Variants in BAZ2B observed in about 807,000 individuals in gnomAD.
BAZ2B encodes the protein bromodomain adjacent to zinc finger domain protein 2B.
Under a neutral mutation model 246.0 loss-of-function variants are expected in BAZ2B, and 91 were observed. The ratio of observed to expected loss-of-function variants is 0.37; its 90% CI spans 0.31 to 0.44. The LOEUF (loss-of-function observed/expected upper bound fraction) is 0.44. BAZ2B is among the 20% of genes least tolerant of loss of function. BAZ2B has a pLI of 1.00. For missense variants in BAZ2B, 2,332 were observed against 2,533.7 expected (o/e 0.92, Z 1.71); for synonymous variants, 855 against 860.0 (o/e 0.99, Z 0.10).
At chr2:159,601,400 G>A (rs191676397) in intron 1 of BAZ2B, among the ~76,000 whole-genome samples, 10 of 150,834 alleles carry the variant, frequency 6.6e-5, no homozygotes, top group Non-Finnish European at 1.5e-4. Context: ...CTCCAGAATG[G>A]GTGACAGAGT....
intron 31 of BAZ2B, among the ~76,000 whole-genome samples, chr2:159,345,088 T>G (rs1331077421): frequency 2.0e-5 from 3 of 151,886 alleles, no homozygotes; most frequent in African/African-American, 7.3e-5. Flanking sequence ...GGCATGCCTG[T>G]AATCCCAGCT....
At chr2:159,550,653 C>T (rs2088050518) in intron 2 of BAZ2B, among the ~76,000 whole-genome samples, 2 of 152,110 alleles carry the variant, frequency 1.3e-5, no homozygotes, top group Admixed American at 1.3e-4. Flanking sequence ...GTTATATCTT[C>T]TCTGTGGTAG....
At chr2:159,583,153 T>C (rs1687238321) in intron 1 of BAZ2B, among the ~76,000 whole-genome samples, 1 of 151,382 alleles carries the variant, frequency 6.6e-6, no homozygotes, top group Non-Finnish European at 1.5e-5. Flanking sequence ...TCACTCCTGT[T>C]GCCCAGGCTG....
At chr2:159,640,546 G>A in the BAZ2B span, among the ~76,000 whole-genome samples, 2 of 151,864 alleles carry the variant, frequency 1.3e-5, no homozygotes, top group Admixed American at 6.6e-5. Context: ...AATAACAAGA[G>A]GAATTTTGGA....
intron 1 of BAZ2B, among the ~76,000 whole-genome samples, chr2:159,570,368 A>T (rs113500391): frequency 1.3e-5 from 2 of 152,016 alleles, no homozygotes; most frequent in Non-Finnish European, 2.9e-5. Context: ...TATTTTTAGT[A>T]GAGACAAGGT....
chr2:159,446,855 C>G lies in BAZ2B; in HGVS notation c.623G>C (p.Gly208Ala), dbSNP rs1215612747. The change falls in exon 6 of 37, where the codon GGA becomes GCA. Residue 208 changes from glycine to alanine, a missense_variant. Coordinates refer to ENST00000392783, the MANE Select transcript of BAZ2B (RefSeq NM_013450.4). ...GQTKSTSSGGGNRKCNQEQSK... is the reference protein window; with the variant it reads ...GQTKSTSSGGANRKCNQEQSK... ...TTGTTCCTGATTACATTTTCGATTT[C>G]CTCCACCTGAGCTTGTACTTTTAGT... is the stretch of plus-strand genomic sequence containing the variant. 1.9e-6 allele frequency: 3 copies of G among 1,613,720 alleles called. No homozygotes were observed. The highest frequency in any genetic ancestry group is 2.5e-6 in the Non-Finnish European group (3 of 1,179,790).
chr2:159,559,783 C>A (rs541080605), intron 1 of BAZ2B, among the ~76,000 whole-genome samples: 1 of 152,248 alleles, frequency 6.6e-6, no homozygotes, highest in South Asian at 2.1e-4. Flanking sequence ...AAAGGTAATT[C>A]TTTCAAATCA....
the BAZ2B span, among the ~76,000 whole-genome samples, chr2:159,656,486 CCTCT>C: frequency 3.9e-5 from 6 of 151,932 alleles, no homozygotes; most frequent in Admixed American, 3.9e-4. Context: ...CCCATTTATC[CCTCT>C]CTCTCTACTT....
the BAZ2B span, among the ~76,000 whole-genome samples, chr2:159,648,841 G>A: frequency 9.2e-5 from 14 of 152,172 alleles, no homozygotes; most frequent in South Asian, 2.7e-3. Flanking sequence ...CCAAGGAGTG[G>A]AATAGCTGGA....
At chr2:159,679,533 G>A in the BAZ2B span, among the ~76,000 whole-genome samples, 2 of 152,024 alleles carry the variant, frequency 1.3e-5, no homozygotes, top group African/African-American at 2.4e-5. Flanking sequence ...CTCTTCTGTT[G>A]AATAATTTTT....
intron 1 of BAZ2B, among the ~76,000 whole-genome samples, chr2:159,572,677 T>C (rs767362713): frequency 8.5e-5 from 13 of 152,240 alleles, no homozygotes; most frequent in Non-Finnish European, 1.6e-4. Flanking sequence ...TTGCAATTCA[T>C]TTGTATTGAA....
chr2:159,525,441 C>A (rs899027370), intron 2 of BAZ2B, among the ~76,000 whole-genome samples: 1 of 152,094 alleles, frequency 6.6e-6, no homozygotes, highest in African/African-American at 2.4e-5. Flanking sequence ...CAACATGATG[C>A]CACAGGTGAA....
chr2:159,331,001 T>C (rs573750265), intron 34 of BAZ2B, among the ~76,000 whole-genome samples: 1 of 152,202 alleles, frequency 6.6e-6, no homozygotes, highest in East Asian at 1.9e-4. Context: ...TTTTGTTTAG[T>C]TTTCTTAAGA....
At chr2:159,530,490 G>A (rs1471681586) in intron 2 of BAZ2B, among the ~76,000 whole-genome samples, 1 of 151,976 alleles carries the variant, frequency 6.6e-6, no homozygotes, top group East Asian at 1.9e-4. Flanking sequence ...AATATAAAAT[G>A]CAATATTTCT....
chr2:159,324,336 A>G (rs561407652), intron 36 of BAZ2B, among the ~76,000 whole-genome samples: 1 of 152,330 alleles, frequency 6.6e-6, no homozygotes, highest in East Asian at 1.9e-4. Flanking sequence ...AAAGCTCTTA[A>G]TATGTAAAGC....
chr2:159,447,569 A>G lies in BAZ2B; in HGVS notation c.503-594T>C, dbSNP rs185403583. On this transcript the variant is annotated intron_variant, in intron 5 of 36. Coordinates refer to ENST00000392783, the MANE Select transcript of BAZ2B (RefSeq NM_013450.4). ...AAAAAAGTACTAGGTTATTAATTTT[A>G]ATGAAGTTAATACTTAATTACAAAA... Among the ~76,000 whole-genome samples, 15 of 152,326 alleles carry G rather than the reference A, an allele frequency of 9.8e-5. No homozygotes were observed. In the East Asian group the frequency reaches 2.9e-3, roughly 29 times the overall value.
intron 2 of BAZ2B, among the ~76,000 whole-genome samples, chr2:159,484,191 T>C (rs2079563255): frequency 6.6e-6 from 1 of 152,204 alleles, no homozygotes. Flanking sequence ...AGTGTTGCTA[T>C]GGATGAAAAA....
At chr2:159,591,607 C>T (rs1419886792) in intron 1 of BAZ2B, among the ~76,000 whole-genome samples, 3 of 151,972 alleles carry the variant, frequency 2.0e-5, no homozygotes, top group East Asian at 3.9e-4. Context: ...AAAGGGAGGA[C>T]CTTGCCATTC....
At chr2:159,565,777 C>CAA (rs35993512) in intron 1 of BAZ2B, among the ~76,000 whole-genome samples, 1 of 109,406 alleles carries the variant, frequency 9.1e-6, no homozygotes, top group Non-Finnish European at 1.8e-5. Context: ...ACTCCCATCT[C>CAA]AAAAAAAAAA....
Sources: allele counts gnomAD v4.1 joint callset (sites outside exome capture counted in the v4.1 genomes callset), GRCh38; gene constraint gnomAD v4.1.1; transcripts MANE v1.5; gene names NCBI Gene and HGNC (gene_info 2026-07-23, HGNC 2026-07-21).